The following RGS7 variants were observed in gnomAD, a reference collection of about 807,000 sequenced individuals.
The protein encoded by RGS7 is regulator of G protein signaling 7.
Under a neutral mutation model 81.1 loss-of-function variants are expected in RGS7, and 27 were observed. The observed-to-expected ratio is 0.33, with a 90% CI of 0.25 to 0.46. The LOEUF (loss-of-function observed/expected upper bound fraction) is 0.46, where lower values mean the gene tolerates loss of function less well. Among genes scored for constraint, RGS7 ranks in the 20% least tolerant of loss-of-function variants. The probability of loss-of-function intolerance (pLI) is 1.00; values close to 1 mark genes in which losing one functional copy is unlikely to be tolerated. For missense variants in RGS7, 396 were observed against 607.4 expected, an observed-to-expected ratio of 0.65 and a Z score of 3.66; for synonymous variants, 208 against 207.7, an observed-to-expected ratio of 1.00 and a Z score of -0.01.
chr1:241,192,159 G>GGTATGTGTGTGTGTGTGTGTGTGT, intron 2 of RGS7, among the ~76,000 whole-genome samples: 1 of 122,010 alleles, frequency 8.2e-6, no homozygotes, highest in East Asian at 2.2e-4. Flanking sequence ...AGAGAAAACA[G>GGTATGTGTGTGTGTGTGTGTGTGT]GTGTGTGTGT....
intron 2 of RGS7, among the ~76,000 whole-genome samples, chr1:241,115,919 C>T (rs2065859183): frequency 6.6e-6 from 1 of 152,014 alleles, no homozygotes; most frequent in South Asian, 2.1e-4. Flanking sequence ...GGGATTTCCC[C>T]CTTGCTGTTC....
At chr1:240,895,462 G>C (rs7413107) in intron 6 of RGS7, among the ~76,000 whole-genome samples, 1 of 151,590 alleles carries the variant, frequency 6.6e-6, no homozygotes, top group Non-Finnish European at 1.5e-5. Context: ...GACAGGCCCC[G>C]GTGTGTGATG....
At chr1:241,028,326 A>G (rs1011979897) in intron 3 of RGS7, among the ~76,000 whole-genome samples, 9 of 152,256 alleles carry the variant, frequency 5.9e-5, no homozygotes, top group African/African-American at 2.2e-4. Flanking sequence ...CAGTGTCAAC[A>G]TTAAGTTGTC....
chr1:241,152,585 C>T (rs2068833870), intron 2 of RGS7, among the ~76,000 whole-genome samples: 1 of 152,188 alleles, frequency 6.6e-6, no homozygotes, highest in Non-Finnish European at 1.5e-5. Flanking sequence ...TTTAGTCATG[C>T]TCCTCGTCAG....
intron 3 of RGS7, among the ~76,000 whole-genome samples, chr1:241,088,029 TATATATATACAC>T (rs1558698312): frequency 0.018 from 1,657 of 93,680 alleles, 45 homozygotes; most frequent in African/African-American, 0.092. Flanking sequence ...CACACACACA[TATATATATACAC>T]ACATATATAT....
chr1:240,799,886 A>G (rs1687753507), intron 18 of RGS7, among the ~76,000 whole-genome samples: 1 of 152,126 alleles, frequency 6.6e-6, no homozygotes, highest in African/African-American at 2.4e-5. Context: ...CCTTTCTTAA[A>G]GTTTGCAGTG....
chr1:241,194,271 G>C lies in RGS7; in HGVS notation c.79-95509C>G, dbSNP rs73130939. On this transcript the variant is annotated intron_variant, in intron 2 of 18. Transcript: ENST00000440928. ...AAAAGCAAAAATTATATTGAGAAAA[G>C]ACAAAATTTCACATCCCATATTCTA... Among the ~76,000 whole-genome samples the C allele has an allele frequency of 2.0e-3, 302 of 152,188 alleles. 2 individuals carry two copies. Among genetic ancestry groups the C allele is most frequent in the Middle Eastern group, 6.8e-3 (2 of 294 alleles).
chr1:240,816,278 C>G (rs757069293), intron 11 of RGS7, 39 bp downstream of exon 11: 1 of 1,304,176 alleles, frequency 7.7e-7, no homozygotes, highest in Admixed American at 1.7e-5. Context: ...AGCTGTTACT[C>G]TGTAAACCTT....
chr1:241,165,530 A>T (rs55815136), intron 2 of RGS7, among the ~76,000 whole-genome samples: 14,121 of 151,552 alleles, frequency 0.093, 714 homozygotes, highest in East Asian at 0.18. Context: ...TATCGCAAGA[A>T]CAAAAAACCA....
chr1:240,825,187 C>A (rs1000539690), intron 10 of RGS7, among the ~76,000 whole-genome samples: 1 of 152,174 alleles, frequency 6.6e-6, no homozygotes, highest in South Asian at 2.1e-4. Flanking sequence ...GGGAGCAAGG[C>A]CCTGACTGTC....
At chr1:240,897,553 T>C (rs1669295332) in intron 6 of RGS7, among the ~76,000 whole-genome samples, 1 of 151,340 alleles carries the variant, frequency 6.6e-6, no homozygotes, top group Non-Finnish European at 1.5e-5. Context: ...GTGGTTTTTG[T>C]CTTTGTTTCT....
intron 2 of RGS7, among the ~76,000 whole-genome samples, chr1:241,315,767 C>CT (rs1313013423): frequency 1.3e-5 from 2 of 152,290 alleles, no homozygotes; most frequent in East Asian, 3.9e-4. Context: ...GCATCCTCGT[C>CT]TTTTTTTCTG....
rs1572511430 is a variant in RGS7, at chr1:241,063,998, A to G, written c.175+34668T>C. 2.0e-5 allele frequency among the ~76,000 whole-genome samples: 3 copies of G among 151,702 alleles called. No homozygotes were observed. The East Asian group carries it at 5.9e-4, about 30-fold the overall frequency. On this transcript the variant is annotated intron_variant, in intron 3 of 18. Transcript: ENST00000440928. ...TGGGAGTTCGAGACCAGTCTGACCA[A>G]CATGGAGAAACCCCCTCTCTACTAA... is the stretch of plus-strand genomic sequence containing the variant.
In RGS7 at chr1:241,344,484, T is replaced by A. The variant is rs115787508; in HGVS notation, c.78+11215A>T. Among the ~76,000 whole-genome samples, 466 of 152,334 alleles carry A rather than the reference T, an allele frequency of 3.1e-3. 2 individuals carry two copies. The highest frequency in any genetic ancestry group is 5.1e-3 in the Non-Finnish European group (348 of 68,028). On this transcript the variant is annotated intron_variant, in intron 2 of 18. Transcript: ENST00000440928. ...ACAAGCTTTACATGCACTGTTCACA[T>A]AATACTAACAATATACCACTTTACA...
chr1:241,155,333 A>G (rs2069042286), intron 2 of RGS7, among the ~76,000 whole-genome samples: 1 of 152,074 alleles, frequency 6.6e-6, no homozygotes, highest in African/African-American at 2.4e-5. Context: ...CCTGACCTCA[A>G]GTGATCTCCC....
intron 2 of RGS7, among the ~76,000 whole-genome samples, chr1:241,242,281 T>G (rs2076296089): frequency 6.6e-6 from 1 of 151,668 alleles, no homozygotes. Flanking sequence ...GCAAATGCCA[T>G]TATTCCGTTC....
At chr1:240,930,225 T>TTTC (rs1165724883) in intron 6 of RGS7, among the ~76,000 whole-genome samples, 161 of 148,650 alleles carry the variant, frequency 1.1e-3, no homozygotes, top group African/African-American at 3.9e-3. Context: ...TTTTTAGCTT[T>TTTC]TTTTTTTTTT....
At chr1:241,018,166 G>A (rs1261556608) in intron 3 of RGS7, among the ~76,000 whole-genome samples, 2 of 106,638 alleles carry the variant, frequency 1.9e-5, no homozygotes, top group Non-Finnish European at 3.6e-5. Context: ...TGTATTTTTA[G>A]TAGACACGGT....
intron 2 of RGS7, among the ~76,000 whole-genome samples, chr1:241,301,350 C>A (rs948837433): frequency 6.6e-6 from 1 of 152,236 alleles, no homozygotes; most frequent in Non-Finnish European, 1.5e-5. Flanking sequence ...CAAACGAGTT[C>A]TCAAATTCCC....
Sources: gnomAD v4.1 joint callset for allele counts (sites outside exome capture counted in the v4.1 genomes callset) on GRCh38, gnomAD v4.1.1 for gene constraint, MANE v1.5 for transcripts, NCBI Gene and HGNC (gene_info 2026-07-23, HGNC 2026-07-21) for gene names.